The following DCDC2 variants were observed in gnomAD, a reference collection of about 807,000 sequenced individuals.
DCDC2 encodes the protein doublecortin domain-containing protein 2.
Under a neutral mutation model 50.2 loss-of-function variants are expected in DCDC2, and 40 were observed. The ratio of observed to expected loss-of-function variants is 0.80; its 90% confidence interval spans 0.62 to 1.04. The LOEUF is 1.04. Among genes scored for constraint, DCDC2 ranks in the 50% least tolerant of loss-of-function variants. The probability of loss-of-function intolerance (pLI) is 0.00; values close to 1 mark genes in which losing one functional copy is unlikely to be tolerated. For missense variants in DCDC2, 570 were observed against 581.9 expected (o/e 0.98, Z 0.21); for synonymous variants, 234 against 210.6 (o/e 1.11, Z -0.96).
intron 7 of DCDC2, among the ~76,000 whole-genome samples, chr6:24,216,393 T>G (rs1037812277): frequency 1.3e-5 from 2 of 152,022 alleles, no homozygotes; most frequent in African/African-American, 4.8e-5. Context: ...AAAGGAATAA[T>G]CAGTATTAAA....
At chr6:24,246,644 G>A (rs1484042706) in intron 7 of DCDC2, among the ~76,000 whole-genome samples, 1 of 151,622 alleles carries the variant, frequency 6.6e-6, no homozygotes, top group Non-Finnish European at 1.5e-5. Context: ...CAGCCACAAC[G>A]CCCAGCTACT....
At chr6:24,301,941 C>G (rs766909616) in intron 3 of DCDC2, 27 bp downstream of exon 3, 1 of 1,612,108 alleles carries the variant, frequency 6.2e-7, no homozygotes, top group South Asian at 1.1e-5. Flanking sequence ...CCAATTTTAA[C>G]TTGAAGTATA....
At chr6:24,361,468 C>A, upstream of DCDC2, among the ~76,000 whole-genome samples, 1 of 151,324 alleles carries the variant, frequency 6.6e-6, no homozygotes, top group African/African-American at 2.4e-5. Flanking sequence ...AAAAGAAGGC[C>A]AAAGAGAACA....
chr6:24,224,524 T>C (rs1383197098), intron 7 of DCDC2, among the ~76,000 whole-genome samples: 1 of 152,146 alleles, frequency 6.6e-6, no homozygotes, highest in South Asian at 2.1e-4. Context: ...GCATGTGGTG[T>C]GTACATGCAT....
At chr6:24,380,508 C>T in the DCDC2 span, among the ~76,000 whole-genome samples, 1 of 151,750 alleles carries the variant, frequency 6.6e-6, no homozygotes, top group African/African-American at 2.4e-5. Context: ...GAGAGAGTTC[C>T]GTTGCATGAG....
chr6:24,176,667 C>T (rs899863729), intron 9 of DCDC2, among the ~76,000 whole-genome samples: 1 of 152,154 alleles, frequency 6.6e-6, no homozygotes, highest in Admixed American at 6.5e-5. Flanking sequence ...GTATACAATA[C>T]ATTGTTATTA....
chr6:24,382,937 A>G, the DCDC2 span, among the ~76,000 whole-genome samples: 2 of 152,088 alleles, frequency 1.3e-5, no homozygotes, highest in Non-Finnish European at 2.9e-5. Context: ...ACTGAGGTCA[A>G]ACAGTACTAT....
chr6:24,325,871 T>A (rs1759849648), intron 2 of DCDC2, among the ~76,000 whole-genome samples: 1 of 149,076 alleles, frequency 6.7e-6, no homozygotes, highest in Non-Finnish European at 1.5e-5. Flanking sequence ...TAAATAAAAT[T>A]AAAAGGTTGG....
chr6:24,339,296 G>A (rs538011546), intron 2 of DCDC2, among the ~76,000 whole-genome samples: 7 of 151,966 alleles, frequency 4.6e-5, no homozygotes, highest in East Asian at 3.9e-4. Flanking sequence ...AGCCTGTGCC[G>A]CCTGTATCCT....
the DCDC2 span, among the ~76,000 whole-genome samples, chr6:24,375,088 T>C: frequency 6.6e-6 from 1 of 152,168 alleles, no homozygotes; most frequent in Non-Finnish European, 1.5e-5. Flanking sequence ...CTTCATCTGC[T>C]GCAGCTTAAT....
intron 7 of DCDC2, among the ~76,000 whole-genome samples, chr6:24,216,025 TG>T (rs1295006051): frequency 6.6e-6 from 1 of 152,010 alleles, no homozygotes; most frequent in African/African-American, 2.4e-5. Context: ...AGGAAGGGGA[TG>T]GGGGTGGTTA....
intron 7 of DCDC2, among the ~76,000 whole-genome samples, chr6:24,223,678 T>C (rs1049512950): frequency 6.6e-6 from 1 of 152,256 alleles, no homozygotes; most frequent in Admixed American, 6.5e-5. Context: ...TTGAATTTCT[T>C]AGCTTATCAG....
At chr6:24,321,024 A>G (rs1018521838) in intron 2 of DCDC2, among the ~76,000 whole-genome samples, 49 of 152,172 alleles carry the variant, frequency 3.2e-4, no homozygotes, top group African/African-American at 1.2e-3. Flanking sequence ...AAGAGTTCTC[A>G]GTGGCCAAAT....
chr6:24,201,295 T>C (rs528418710), intron 8 of DCDC2, among the ~76,000 whole-genome samples: 16 of 152,158 alleles, frequency 1.1e-4, no homozygotes, highest in African/African-American at 3.4e-4. Context: ...GAAATCATAA[T>C]CAACAGTCTC....
Position 24,301,965 on chromosome 6 carries a change from T to C in DCDC2, c.425+3A>G, listed in dbSNP as rs1434123857. ...ACTTGAAGTATAAAGGGTTTCAACT[T>C]ACAAGATAGTGCACGGCTCCTGAAG... On this transcript the variant is annotated splice_donor_region_variant and intron_variant, in intron 3 of 9. Transcript: ENST00000378454. 1.2e-6 allele frequency: 2 copies of C among 1,613,760 alleles called. No homozygotes were observed. Among genetic ancestry groups the C allele is most frequent in the East Asian group, 4.5e-5 (2 of 44,882 alleles).
intron 2 of DCDC2, among the ~76,000 whole-genome samples, chr6:24,329,320 C>T (rs1759927607): frequency 6.6e-6 from 1 of 152,162 alleles, no homozygotes; most frequent in African/African-American, 2.4e-5. Flanking sequence ...CCTGGACAGA[C>T]TTTATCATTT....
chr6:24,177,643 G>T (rs954606523), intron 9 of DCDC2, among the ~76,000 whole-genome samples: 1 of 152,174 alleles, frequency 6.6e-6, no homozygotes, highest in African/African-American at 2.4e-5. Flanking sequence ...ATATTGTCCC[G>T]TGGAAGAATG....
intron 7 of DCDC2, 148 bp from the exon 8 acceptor site, chr6:24,205,250 C>A (rs771846169): frequency 9.7e-5 from 153 of 1,573,536 alleles, no homozygotes; most frequent in Non-Finnish European, 1.3e-4. Flanking sequence ...CTCCTCCGAC[C>A]ACCACACCAC....
chr6:24,259,169 G>A (rs766577374), intron 7 of DCDC2, among the ~76,000 whole-genome samples: 9 of 151,860 alleles, frequency 5.9e-5, no homozygotes, highest in Non-Finnish European at 1.0e-4. Flanking sequence ...TCCAAAGCTC[G>A]GAGAATTTTT....
Sources: gnomAD v4.1 joint callset for allele counts (sites outside exome capture counted in the v4.1 genomes callset) on GRCh38, gnomAD v4.1.1 for gene constraint, MANE v1.5 for transcripts, NCBI Gene and HGNC (gene_info 2026-07-23, HGNC 2026-07-21) for gene names.